Variants in TRPC5 observed in about 807,000 individuals in gnomAD.
The protein encoded by TRPC5 is transient receptor potential cation channel subfamily C member 5.
A neutral mutation model predicts 56.5 loss-of-function variants in TRPC5; 9 were observed. That is an observed-to-expected ratio of 0.16 (90% CI 0.10 to 0.28). The LOEUF is 0.28. Among genes scored for constraint, TRPC5 ranks in the 10% least tolerant of loss-of-function variants. TRPC5 has a pLI of 1.00. For synonymous variants in TRPC5, 282 were observed against 278.5 expected, an observed-to-expected ratio of 1.01 and a Z score of -0.13; for missense variants, 469 against 748.9, an observed-to-expected ratio of 0.63 and a Z score of 4.36.
intron 7 of TRPC5, among the ~76,000 whole-genome samples, chrX:111,796,098 G>A (rs1344002453): frequency 8.9e-6 from 1 of 111,831 alleles, no homozygotes; most frequent in East Asian, 2.8e-4. Flanking sequence ...CTGCTATTGA[G>A]CCTCTGTAGT....
At chrX:111,905,610 G>A (rs1178837514) in intron 3 of TRPC5, among the ~76,000 whole-genome samples, 2 of 111,841 alleles carry the variant, frequency 1.8e-5, no homozygotes, top group East Asian at 5.6e-4. Flanking sequence ...TCATCTTAAA[G>A]ACCCTAGAAA....
intron 1 of TRPC5, among the ~76,000 whole-genome samples, chrX:112,021,074 G>C (rs1200329954): frequency 9.1e-6 from 1 of 110,245 alleles, no homozygotes; most frequent in Admixed American, 9.9e-5. Flanking sequence ...CAGAAAATCA[G>C]TTTGCTTTCT....
In TRPC5 at chrX:111,768,032, A is replaced by G. The variant is rs1428811856; in HGVS notation, c.*8281T>C. The stretch of plus-strand genomic sequence containing the variant: ...CACATTTCAGGGGAAAAAAGTAAAT[A>G]CTTTATTTTGTTGATACTGAAGCTA... On this transcript the variant is annotated 3_prime_UTR_variant, in exon 11 of 11. Coordinates refer to ENST00000262839, the MANE Select transcript of TRPC5 (RefSeq NM_012471.3). Among the ~76,000 whole-genome samples, 1 of 111,979 alleles carries G rather than the reference A, an allele frequency of 8.9e-6. No individual in the cohort carries two copies. Among genetic ancestry groups the G allele is most frequent in the Non-Finnish European group, 1.9e-5 (1 of 53,116 alleles).
At chrX:111,961,300 G>T (rs979270649) in intron 1 of TRPC5, among the ~76,000 whole-genome samples, 1 of 111,944 alleles carries the variant, frequency 8.9e-6, no homozygotes, top group African/African-American at 3.2e-5. Context: ...AATCTTTCCA[G>T]TCTTCTTCCC....
intron 7 of TRPC5, among the ~76,000 whole-genome samples, chrX:111,806,438 G>A (rs141258095): frequency 0.079 from 8,840 of 111,604 alleles, 885 homozygotes; most frequent in African/African-American, 0.27. Context: ...TGGGCTATGC[G>A]GCTGAAGGTC....
chrX:111,891,496 T>C (rs1924801388), intron 3 of TRPC5, among the ~76,000 whole-genome samples: 2 of 112,129 alleles, frequency 1.8e-5, no homozygotes, highest in African/African-American at 6.5e-5. Context: ...ATATCCTCAA[T>C]TGTAAAATAG....
intron 3 of TRPC5, among the ~76,000 whole-genome samples, chrX:111,870,652 G>T (rs182848557): frequency 3.2e-4 from 36 of 111,213 alleles, no homozygotes; most frequent in Admixed American, 1.1e-3. Flanking sequence ...AGGTTTGATA[G>T]GGAATTTATT....
At chrX:111,936,620 T>C (rs1220886661) in intron 2 of TRPC5, among the ~76,000 whole-genome samples, 3 of 101,346 alleles carry the variant, frequency 3.0e-5, no homozygotes, top group African/African-American at 7.3e-5. Flanking sequence ...TTGCGATAGT[T>C]TACTGAGAAT....
chrX:111,788,485 T>C (rs1242676541), intron 7 of TRPC5, among the ~76,000 whole-genome samples: 4 of 111,880 alleles, frequency 3.6e-5, no homozygotes, highest in African/African-American at 1.3e-4. Context: ...CTGGAAGCAT[T>C]CCCTTTGAAA....
At chrX:111,825,144 TTC>T (rs1922158478) in intron 7 of TRPC5, among the ~76,000 whole-genome samples, 1 of 69,413 alleles carries the variant, frequency 1.4e-5, no homozygotes, top group Non-Finnish European at 2.5e-5. Context: ...CCTTCCTTCC[TTC>T]CTTTCTTTCT....
At chrX:112,060,513 A>G (rs750568285) in intron 1 of TRPC5, among the ~76,000 whole-genome samples, 49 of 112,174 alleles carry the variant, frequency 4.4e-4, no homozygotes, top group African/African-American at 1.6e-3. Flanking sequence ...AAATTACTTA[A>G]ATATGACCAG....
At chrX:111,947,141 A>G (rs112604175) in intron 2 of TRPC5, among the ~76,000 whole-genome samples, 132 of 111,177 alleles carry the variant, frequency 1.2e-3, no homozygotes, top group African/African-American at 3.9e-3. Flanking sequence ...TATATCCTCC[A>G]TTGATCTACT....
intron 2 of TRPC5, among the ~76,000 whole-genome samples, chrX:111,913,247 A>C (rs1159122221): frequency 9.0e-6 from 1 of 111,616 alleles, no homozygotes; most frequent in Admixed American, 9.5e-5. Context: ...AATACAGAGA[A>C]GTAAAGGACA....
intron 9 of TRPC5, among the ~76,000 whole-genome samples, chrX:111,780,068 G>A (rs969677103): frequency 9.0e-6 from 1 of 111,683 alleles, no homozygotes; most frequent in African/African-American, 3.3e-5. Flanking sequence ...GGTCTAAGGG[G>A]AACAAAGTTA....
intron 1 of TRPC5, among the ~76,000 whole-genome samples, chrX:111,994,355 C>G (rs2148657313): frequency 9.0e-6 from 1 of 111,577 alleles, no homozygotes; most frequent in Non-Finnish European, 1.9e-5. Context: ...CAGCTTTGTT[C>G]TTTTGGCTTA....
chrX:111,944,503 T>G (rs1220308519), intron 2 of TRPC5, among the ~76,000 whole-genome samples: 1 of 110,538 alleles, frequency 9.0e-6, no homozygotes, highest in Admixed American at 9.7e-5. Flanking sequence ...GTATAGTGGG[T>G]TGAACTGTGT....
chrX:111,801,717 T>C (rs963720541), intron 7 of TRPC5, among the ~76,000 whole-genome samples: 9 of 112,169 alleles, frequency 8.0e-5, no homozygotes, highest in Non-Finnish European at 1.7e-4. Context: ...TTCATATCCT[T>C]TGCCCACTTA....
intron 2 of TRPC5, among the ~76,000 whole-genome samples, chrX:111,942,087 A>G (rs1425903946): frequency 8.9e-6 from 1 of 112,097 alleles, no homozygotes; most frequent in Non-Finnish European, 1.9e-5. Context: ...TCCCTGCTCC[A>G]CAGGGAATTC....
chrX:111,794,460 A>C (rs1394049107), intron 7 of TRPC5, among the ~76,000 whole-genome samples: 1 of 111,901 alleles, frequency 8.9e-6, no homozygotes, highest in Admixed American at 9.5e-5. Context: ...CAAATACAGT[A>C]TATCATTTTT....
Sources: gnomAD v4.1 joint callset for allele counts (sites outside exome capture counted in the v4.1 genomes callset) on GRCh38, gnomAD v4.1.1 for gene constraint, MANE v1.5 for transcripts, NCBI Gene and HGNC (gene_info 2026-07-23, HGNC 2026-07-21) for gene names.